USP24: variants seen among roughly 807,000 people sequenced by gnomAD.
USP24 encodes ubiquitin carboxyl-terminal hydrolase 24.
A neutral mutation model predicts 361.6 loss-of-function variants in USP24; 97 were observed. The observed-to-expected ratio is 0.27, with a 90% CI of 0.23 to 0.32. The LOEUF (loss-of-function observed/expected upper bound fraction) is 0.32. Ranked by LOEUF, USP24 falls within the 10% of genes least tolerant of loss-of-function variation. The pLI is 1.00. For synonymous variants in USP24, 1,098 were observed against 1,124.6 expected, an observed-to-expected ratio of 0.98 and a Z score of 0.47; for missense variants, 2,353 against 3,165.6, an observed-to-expected ratio of 0.74 and a Z score of 6.16.
intron 1 of USP24, among the ~76,000 whole-genome samples, chr1:55,182,322 G>C (rs933737011): frequency 6.6e-6 from 1 of 152,146 alleles, no homozygotes; most frequent in African/African-American, 2.4e-5. Flanking sequence ...CAAAGTGCTG[G>C]GATTGCAGGC....
intron 42 of USP24, among the ~76,000 whole-genome samples, chr1:55,102,559 A>G (rs1256629046): frequency 3.3e-5 from 5 of 152,230 alleles, no homozygotes; most frequent in African/African-American, 9.6e-5. Context: ...AAAAATGTAT[A>G]GGTCTTCTAG....
At position 55,123,046 on chromosome 1, in the gene USP24, C is replaced by G. The variant is rs544373761; in HGVS notation, c.4276+401G>C. 2.0e-5 allele frequency among the ~76,000 whole-genome samples: 3 copies of G among 152,122 alleles called. No individual in the cohort carries two copies. In the South Asian group the frequency reaches 6.2e-4, roughly 32 times the overall value. ...TTAGAGAATGATTAGTAATGGTCCC[C>G]GTTCACCAAAGCCAACAATAAAGAT... is the stretch of plus-strand genomic sequence containing the variant. On this transcript the variant is annotated intron_variant, in intron 36 of 67. Transcript: ENST00000294383.
chr1:55,166,669 C>A, intron 5 of USP24, 66 bp from the exon 6 acceptor site: 12 of 1,378,298 alleles, frequency 8.7e-6, no homozygotes, highest in Middle Eastern at 1.8e-4. Context: ...CCTTACATTT[C>A]TTTTATCCTA....
intron 55 of USP24, chr1:55,086,580 C>A (rs1405521958): frequency 6.5e-6 from 1 of 153,986 alleles, no homozygotes; most frequent in African/African-American, 2.4e-5. Flanking sequence ...ACTTCTGAGA[C>A]CTTTGGAGGA....
intron 55 of USP24, 24 bp downstream of exon 55, chr1:55,089,603 T>C (rs777354861): frequency 8.0e-6 from 12 of 1,497,654 alleles, no homozygotes; most frequent in Non-Finnish European, 1.1e-5. Context: ...AAATTTCTTT[T>C]AATTAAAAGA....
At chr1:55,191,210 T>C (rs982660913) in intron 1 of USP24, among the ~76,000 whole-genome samples, 2 of 152,204 alleles carry the variant, frequency 1.3e-5, no homozygotes, top group Non-Finnish European at 2.9e-5. Flanking sequence ...ATGTGTTCAA[T>C]TATGATTTCT....
chr1:55,071,090 A>G, intron 67 of USP24: 2 of 968,602 alleles, frequency 2.1e-6, no homozygotes, highest in South Asian at 4.8e-5. Context: ...GCTGCCTCAC[A>G]TAGTGCTTAT....
At chr1:55,111,122 T>TTAC (rs1645937429) in intron 38 of USP24, among the ~76,000 whole-genome samples, 1 of 152,040 alleles carries the variant, frequency 6.6e-6, no homozygotes, top group African/African-American at 2.4e-5. Flanking sequence ...GCTATTATTA[T>TTAC]TACCATACTA....
rs1645007782 is a variant in USP24, at chr1:55,075,581, G to C, written c.7381-58C>G. 6 of 1,310,304 alleles carry C rather than the reference G, an allele frequency of 4.6e-6. No individual in the cohort carries two copies. The Admixed American group carries it at 1.4e-4, about 31-fold the overall frequency. 81.2% of individuals were successfully genotyped at this position (1,310,304 alleles called of 1,614,324 possible). On this transcript the variant is annotated intron_variant, in intron 62 of 67. Coordinates refer to ENST00000294383, the MANE Select transcript of USP24 (RefSeq NM_015306.3). ...AAAGAAGGAACTTGTCATAGCCACG[G>C]GTGCTTTCTTTATAATTCTACCCAA...
chr1:55,213,949 C>T (rs1027475270), intron 1 of USP24, among the ~76,000 whole-genome samples: 1 of 151,970 alleles, frequency 6.6e-6, no homozygotes, highest in African/African-American at 2.4e-5. Flanking sequence ...CCATCTCTTT[C>T]CCCGGTCTAA....
intron 1 of USP24, among the ~76,000 whole-genome samples, chr1:55,202,857 A>C (rs1378813922): frequency 6.6e-6 from 1 of 152,100 alleles, no homozygotes; most frequent in East Asian, 1.9e-4. Flanking sequence ...TCCTTTCCTC[A>C]ACTCCCACCG....
intron 20 of USP24, 21 bp downstream of exon 20, chr1:55,145,977 T>A (rs752481079): frequency 1.3e-6 from 2 of 1,534,894 alleles, no homozygotes; most frequent in Non-Finnish European, 1.8e-6. Flanking sequence ...CTGAAAAAAA[T>A]GATTTTAAGT....
chr1:55,149,657 C>T (rs747001616), intron 16 of USP24, among the ~76,000 whole-genome samples: 4 of 152,088 alleles, frequency 2.6e-5, no homozygotes, highest in Non-Finnish European at 5.9e-5. Flanking sequence ...ACACTTTAGA[C>T]AATTATGTCA....
intron 24 of USP24, 33 bp from the exon 25 acceptor site, chr1:55,139,043 A>G (rs1646816093): frequency 1.3e-6 from 2 of 1,547,058 alleles, no homozygotes; most frequent in Non-Finnish European, 1.8e-6. Flanking sequence ...ATTAAAATGT[A>G]TTTGAAGTGT....
chr1:55,174,995 G>C (rs1352019853), intron 3 of USP24, among the ~76,000 whole-genome samples: 2 of 151,994 alleles, frequency 1.3e-5, no homozygotes, highest in African/African-American at 4.8e-5. Context: ...ACTACAAACT[G>C]ATGGATGAGC....
intron 24 of USP24, among the ~76,000 whole-genome samples, chr1:55,141,398 CG>C (rs759384808): frequency 5.9e-5 from 9 of 152,064 alleles, no homozygotes; most frequent in Non-Finnish European, 1.5e-5. Flanking sequence ...GGGAAGTACT[CG>C]GGTGGTCCTG....
At chr1:55,119,610 C>A (rs760781583) in intron 38 of USP24, among the ~76,000 whole-genome samples, 4 of 151,990 alleles carry the variant, frequency 2.6e-5, no homozygotes, top group Non-Finnish European at 5.9e-5. Flanking sequence ...CAAAAAAAAT[C>A]TACGTGTCTT....
chr1:55,090,391 CTAAT>C (rs1294782624), intron 54 of USP24, among the ~76,000 whole-genome samples: 3 of 152,166 alleles, frequency 2.0e-5, no homozygotes, highest in South Asian at 4.1e-4. Flanking sequence ...GGCATAGTGA[CTAAT>C]TAGTTAATCC....
chr1:55,129,607 C>A, intron 31 of USP24, 33 bp from the exon 32 acceptor site: 1 of 1,568,546 alleles, frequency 6.4e-7, no homozygotes, highest in South Asian at 1.1e-5. Flanking sequence ...TATTCATCCA[C>A]ACATTTTCAG....
Sources: allele counts gnomAD v4.1 joint callset (sites outside exome capture counted in the v4.1 genomes callset), GRCh38; gene constraint gnomAD v4.1.1; transcripts MANE v1.5; gene names NCBI Gene and HGNC (gene_info 2026-07-23, HGNC 2026-07-21).